Variants in NRXN2 observed in about 807,000 individuals in gnomAD.
NRXN2 encodes the protein neurexin-2-beta.
In NRXN2, 29 loss-of-function variants were observed where a neutral mutation model predicts 128.8. That is an observed-to-expected ratio of 0.23 (90% CI 0.17 to 0.31). The LOEUF is 0.31. NRXN2 is among the 10% of genes least tolerant of loss of function. The pLI is 1.00. For missense variants in NRXN2, 1,881 were observed against 2,452.6 expected (o/e 0.77, Z 4.92); for synonymous variants, 1,098 against 1,075.2 (o/e 1.02, Z -0.41).
In NRXN2 at chr11:64,623,047, A is replaced by G; in HGVS notation, c.3879T>C (p.Ala1293=). ...GATCCCGGCCCCCGATCTTGATGGC[A>G]GCCTGGCTGTTGAAGATGGTCAGCT... ...GRQLTIFNSQ[A]AIKIGGRDQG... is the part of the protein sequence containing the mutation. The change falls in exon 21 of 23, where the codon GCT becomes GCC. Residue 1293 remains alanine (A), a synonymous_variant. Coordinates refer to ENST00000265459, the MANE Select transcript of NRXN2 (RefSeq NM_015080.4). This position sits in a 1 kb window ranked among gnomAD's most constrained non-coding sequence, Gnocchi z 4.9. 1 of 1,608,590 alleles carries G rather than the reference A, an allele frequency of 6.2e-7. No individual in the cohort carries two copies. Among genetic ancestry groups the G allele is most frequent in the Non-Finnish European group, 8.5e-7 (1 of 1,177,610 alleles).
chr11:64,688,120 A>AAG (rs397748322), intron 5 of NRXN2, among the ~76,000 whole-genome samples: 1 of 151,908 alleles, frequency 6.6e-6, no homozygotes, highest in African/African-American at 2.4e-5. Context: ...GGACAGAACA[A>AAG]GAGGCCAGCA....
chr11:64,695,617 G>A (rs534022574), intron 3 of NRXN2, among the ~76,000 whole-genome samples: 1 of 152,110 alleles, frequency 6.6e-6, no homozygotes, highest in Non-Finnish European at 1.5e-5. Context: ...AACCACCATC[G>A]AAATAAAGAT....
At chr11:64,611,074 G>A (rs1190231164) in intron 22 of NRXN2, among the ~76,000 whole-genome samples, 1 of 152,228 alleles carries the variant, frequency 6.6e-6, no homozygotes, top group Non-Finnish European at 1.5e-5. Context: ...AAGGGCCAAC[G>A]GCCCGGGTCC....
In NRXN2 at chr11:64,685,683, G is replaced by C. The variant is rs777059412; in HGVS notation, c.1115C>G (p.Ala372Gly). 2.4e-5 allele frequency: 39 copies of C among 1,614,094 alleles called. No homozygotes were observed. Among genetic ancestry groups the C allele is most frequent in the Non-Finnish European group, 3.2e-5 (38 of 1,180,058 alleles). Residue 372 changes from alanine to glycine, a missense_variant, in exon 6 of 23, where the codon GCC becomes GGC. Ala to Gly is a moderately conservative substitution (Grantham distance 60, BLOSUM62 0). Coordinates refer to ENST00000265459, the MANE Select transcript of NRXN2 (RefSeq NM_015080.4). ...EPVNGKFNDN[A>G]WHDVRVTRNL... ...TCGGGTGACCCGGACGTCGTGCCAG[G>C]CGTTGTCGTTGAACTTGCCATTGAC... is the stretch of plus-strand genomic sequence containing the variant.
chr11:64,638,476 G>T (rs12281011), intron 17 of NRXN2, among the ~76,000 whole-genome samples: 1 of 152,120 alleles, frequency 6.6e-6, no homozygotes, highest in African/African-American at 2.4e-5. Context: ...CTCCCCAGCC[G>T]CGCTCCGGAG....
At chr11:64,672,393 G>A (rs1192472181) in intron 7 of NRXN2, among the ~76,000 whole-genome samples, 1 of 152,234 alleles carries the variant, frequency 6.6e-6, no homozygotes, top group Non-Finnish European at 1.5e-5. Flanking sequence ...GTATCCTTCT[G>A]CCATCTTCTG....
At chr11:64,625,350 A>AACTCCTC (rs1304591405) in intron 20 of NRXN2, among the ~76,000 whole-genome samples, 1 of 152,214 alleles carries the variant, frequency 6.6e-6, no homozygotes, top group Non-Finnish European at 1.5e-5. Flanking sequence ...ATCCGCCATG[A>AACTCCTC]ACTCCTCAAA....
chr11:64,669,642 C>A (rs2050363499), intron 7 of NRXN2, among the ~76,000 whole-genome samples: 1 of 152,158 alleles, frequency 6.6e-6, no homozygotes, highest in South Asian at 2.1e-4. Context: ...AACTCTCCAA[C>A]TCTCCCAGTC....
chr11:64,610,685 G>A (rs2040482933), intron 22 of NRXN2, among the ~76,000 whole-genome samples: 2 of 152,176 alleles, frequency 1.3e-5, no homozygotes, highest in South Asian at 4.1e-4. Flanking sequence ...GCCTTTGGAT[G>A]AACAAATATG....
chr11:64,620,490 A>T, intron 21 of NRXN2, 118 bp from the exon 22 acceptor site: 2 of 798,202 alleles, frequency 2.5e-6, no homozygotes, highest in Non-Finnish European at 4.2e-6. Context: ...GACGGACCAG[A>T]CTGGTCTGAG....
intron 22 of NRXN2, 60 bp downstream of exon 22, chr11:64,620,234 C>T: frequency 7.3e-7 from 1 of 1,378,438 alleles, no homozygotes; most frequent in Non-Finnish European, 1.0e-6. Flanking sequence ...GGGACAGTCG[C>T]CCCCCTCCCA....
intron 3 of NRXN2, among the ~76,000 whole-genome samples, chr11:64,693,268 GGA>G (rs2054079682): frequency 1.3e-5 from 2 of 151,408 alleles, no homozygotes; most frequent in African/African-American, 2.4e-5. Flanking sequence ...AGGAAAAGGA[GGA>G]GAAGCATTAG....
chr11:64,669,563 G>C (rs1301762324), intron 7 of NRXN2, among the ~76,000 whole-genome samples: 1 of 152,174 alleles, frequency 6.6e-6, no homozygotes, highest in Non-Finnish European at 1.5e-5. Context: ...CAGGAGGCAG[G>C]GGGGCTCAGC....
intron 9 of NRXN2, among the ~76,000 whole-genome samples, chr11:64,665,600 C>T: frequency 6.6e-6 from 1 of 152,160 alleles, no homozygotes; most frequent in Non-Finnish European, 1.5e-5. Context: ...GGGGAGGCAA[C>T]ACTTCGAGGA....
At chr11:64,655,014 C>A (rs2048042633) in intron 11 of NRXN2, among the ~76,000 whole-genome samples, 1 of 152,192 alleles carries the variant, frequency 6.6e-6, no homozygotes, top group African/African-American at 2.4e-5. Flanking sequence ...TCTCCCGGCC[C>A]TCGATTGACA....
At position 64,667,683 on chromosome 11, in the gene NRXN2, G is replaced by C; in HGVS notation, c.1365C>G (p.Val455=). 1.2e-6 allele frequency: 2 copies of C among 1,613,958 alleles called. No individual in the cohort carries two copies. The highest frequency in any genetic ancestry group is 1.7e-6 in the Non-Finnish European group (2 of 1,180,016). ...NNFMGCLKDV[V]YKNNDFKLEL... is the part of the protein sequence containing the mutation. ...CCAATTTGAAGTCATTGTTCTTATAGACCACCTGCAGGGAGGGGTGGGGTC... is the reference window on the plus strand; with the variant it reads ...CCAATTTGAAGTCATTGTTCTTATACACCACCTGCAGGGAGGGGTGGGGTC... Residue 455 remains valine (V), a synonymous_variant, in exon 9 of 23, where the codon GTC becomes GTG. Transcript: ENST00000265459. The surrounding 1 kb of genome is among the most constrained non-coding windows in gnomAD (Gnocchi z 5.6).
chr11:64,683,094 T>A (rs76355571), intron 6 of NRXN2, among the ~76,000 whole-genome samples: 18,154 of 152,120 alleles, frequency 0.12, 1,426 homozygotes, highest in East Asian at 0.3. Context: ...CAGAAGGCCA[T>A]CTCCCTGGCC....
rs561690501 is a variant in NRXN2 at position 64,653,725 on chromosome 11, G to C, written c.2390-3C>G. ...TGCGCAGCCGACGCGCAGGCAGTCTGGGGGGGCCATGGGGCGGGCAGAGGG... is the reference window on the plus strand; with the variant it reads ...TGCGCAGCCGACGCGCAGGCAGTCTCGGGGGGCCATGGGGCGGGCAGAGGG... On this transcript the variant is annotated splice_polypyrimidine_tract_variant and splice_region_variant and intron_variant, in intron 11 of 22. Coordinates refer to ENST00000265459, the MANE Select transcript of NRXN2 (RefSeq NM_015080.4). The C allele has an allele frequency of 1.9e-6, 3 of 1,587,318 alleles. No homozygotes were observed. Among genetic ancestry groups the C allele is most frequent in the Non-Finnish European group, 8.6e-7 (1 of 1,166,516 alleles).
intron 17 of NRXN2, among the ~76,000 whole-genome samples, chr11:64,642,059 T>C (rs2045756502): frequency 2.0e-5 from 3 of 148,500 alleles, no homozygotes; most frequent in South Asian, 4.3e-4. Context: ...GTGACAGAGG[T>C]GGGAGAGAGG....
Sources: allele counts gnomAD v4.1 joint callset (sites outside exome capture counted in the v4.1 genomes callset), GRCh38; gene constraint gnomAD v4.1.1; non-coding constraint Gnocchi (gnomAD v3.1); transcripts MANE v1.5; gene names NCBI Gene and HGNC (gene_info 2026-07-23, HGNC 2026-07-21).